The following SNTB1 variants were observed in gnomAD, a reference collection of about 807,000 sequenced individuals.
SNTB1 encodes syntrophin beta 1.
In SNTB1, 36 loss-of-function variants were observed where a neutral mutation model predicts 48.9. That is an observed-to-expected ratio of 0.74 (90% CI 0.56 to 0.97). The LOEUF (loss-of-function observed/expected upper bound fraction) is 0.97. Among genes scored for constraint, SNTB1 ranks in the 50% least tolerant of loss-of-function variants. The probability of loss-of-function intolerance (pLI) is 0.00; values close to 1 mark genes in which losing one functional copy is unlikely to be tolerated. For missense variants in SNTB1, 786 were observed against 703.4 expected (o/e 1.12, Z -1.33); for synonymous variants, 299 against 294.6 (o/e 1.01, Z -0.15).
intron 3 of SNTB1, among the ~76,000 whole-genome samples, chr8:120,581,734 T>G (rs1816053841): frequency 6.6e-6 from 1 of 152,338 alleles, no homozygotes; most frequent in Non-Finnish European, 1.5e-5. Flanking sequence ...AAAGAGCGTG[T>G]CATTTTAATT....
At position 120,548,932 on chromosome 8, in the gene SNTB1, C is replaced by A. The variant is rs773697841; in HGVS notation, c.1163G>T (p.Gly388Val). The A allele has an allele frequency of 1.3e-6, 2 of 1,596,308 alleles. No homozygotes were observed. The highest frequency in any genetic ancestry group is 1.7e-6 in the Non-Finnish European group (2 of 1,171,798). Residue 388 changes from glycine (G) to valine (V), a missense_variant, in exon 5 of 7, where the codon GGA becomes GTA. Gly to Val is a moderately radical substitution (Grantham distance 109). Coordinates refer to ENST00000517992, the MANE Select transcript of SNTB1 (RefSeq NM_021021.4). ...CAGATCCACACCAGCCTGGGGTGATCCCTTTCCTGGACCTGAATGGACCAG... is the reference window on the plus strand; with the variant it reads ...CAGATCCACACCAGCCTGGGGTGATACCTTTCCTGGACCTGAATGGACCAG... ...TRLVHSGPGK[G>V]SPQAGVDLSF...
rs1586982571 is a variant in SNTB1, at chr8:120,537,148, A to C, written c.*1729T>G. 1 of 151,378 alleles carries C rather than the reference A, an allele frequency of 6.6e-6. No homozygotes were observed. The highest frequency in any genetic ancestry group is 6.6e-5 in the Admixed American group (1 of 15,198). The allele number at this position is 151,378 out of a possible 1,614,324, so 9.4% of individuals were successfully genotyped here. A position where few individuals can be genotyped will look rare whatever the true frequency, so the allele number is the denominator to read the frequency against. On this transcript the variant is annotated 3_prime_UTR_variant, in exon 7 of 7. Transcript: ENST00000517992. ...TGTGTTTTCTAAAGCATTAAAAAAA[A>C]AAAACAAATAACAACAACAAAAAAA...
chr8:120,648,936 C>A (rs1296003027), intron 2 of SNTB1, among the ~76,000 whole-genome samples: 39 of 151,468 alleles, frequency 2.6e-4, no homozygotes, highest in Non-Finnish European at 8.8e-5. Flanking sequence ...ATCGCTGATA[C>A]CCTTTCTTCC....
rs963317290 is a variant in SNTB1, at chr8:120,538,619, C to T, written c.*258G>A. ...TATTTCAAAGCTATGCTGTGTATTT[C>T]CCGTCACCTCACCTCTTTAACCTTG... On this transcript the variant is annotated 3_prime_UTR_variant, in exon 7 of 7. Transcript: ENST00000517992. The T allele has an allele frequency of 1.8e-6, 1 of 549,102 alleles. No individual in the cohort carries two copies. Among genetic ancestry groups the T allele is most frequent in the South Asian group, 1.5e-5 (1 of 65,362 alleles). 34.0% of individuals were successfully genotyped at this position (549,102 alleles called of 1,614,324 possible). A position where few individuals can be genotyped will look rare whatever the true frequency, so the allele number is the denominator to read the frequency against.
intron 1 of SNTB1, among the ~76,000 whole-genome samples, chr8:120,784,773 A>C (rs1819894469): frequency 6.6e-6 from 1 of 152,232 alleles, no homozygotes; most frequent in Non-Finnish European, 1.5e-5. Context: ...ACAGTTTTCC[A>C]AGAAGCAACA....
chr8:120,677,269 G>A (rs1009563500), intron 2 of SNTB1, among the ~76,000 whole-genome samples: 3 of 152,094 alleles, frequency 2.0e-5, no homozygotes, highest in Non-Finnish European at 2.9e-5. Context: ...AGAGAACTGT[G>A]CCATATAAAT....
chr8:120,587,365 C>G (rs1485359955), intron 3 of SNTB1, among the ~76,000 whole-genome samples: 1 of 152,158 alleles, frequency 6.6e-6, no homozygotes, highest in Non-Finnish European at 1.5e-5. Context: ...ACAGTTCTTA[C>G]AAATTATAAA....
intron 3 of SNTB1, among the ~76,000 whole-genome samples, chr8:120,581,104 A>G (rs919180379): frequency 3.3e-5 from 5 of 151,256 alleles, no homozygotes; most frequent in Non-Finnish European, 7.4e-5. Context: ...AAAAAAAAAA[A>G]AAAGAGAAAG....
At chr8:120,744,863 C>A (rs1391507675) in intron 1 of SNTB1, among the ~76,000 whole-genome samples, 1 of 152,036 alleles carries the variant, frequency 6.6e-6, no homozygotes, top group Non-Finnish European at 1.5e-5. Context: ...TAATATAATA[C>A]CATAATTTGG....
intron 3 of SNTB1, among the ~76,000 whole-genome samples, chr8:120,617,925 A>G (rs1816740564): frequency 6.6e-6 from 1 of 152,230 alleles, no homozygotes; most frequent in African/African-American, 2.4e-5. Flanking sequence ...GCAGCAAACG[A>G]GTGAAGGTAC....
chr8:120,688,442 C>T (rs531141890), intron 2 of SNTB1, among the ~76,000 whole-genome samples: 149 of 151,910 alleles, frequency 9.8e-4, no homozygotes, highest in Non-Finnish European at 1.8e-3. Flanking sequence ...CATTTATGAA[C>T]GAAAATAGTT....
At chr8:120,572,654 C>T (rs1439051479) in intron 4 of SNTB1, among the ~76,000 whole-genome samples, 3 of 152,026 alleles carry the variant, frequency 2.0e-5, no homozygotes, top group South Asian at 2.1e-4. Context: ...TATGGGAGGC[C>T]GAGGGAGGAA....
chr8:120,579,871 CT>C (rs1163992694), intron 3 of SNTB1, among the ~76,000 whole-genome samples: 2 of 152,154 alleles, frequency 1.3e-5, no homozygotes, highest in Non-Finnish European at 2.9e-5. Flanking sequence ...ATTTACAAAG[CT>C]GTCTTACAGA....
chr8:120,791,012 C>T (rs957626185), intron 1 of SNTB1, among the ~76,000 whole-genome samples: 5 of 151,512 alleles, frequency 3.3e-5, no homozygotes, highest in African/African-American at 4.8e-5. Flanking sequence ...GTATATAGTA[C>T]TATATACTAT....
intron 1 of SNTB1, among the ~76,000 whole-genome samples, chr8:120,805,237 C>T (rs1343005886): frequency 6.6e-6 from 1 of 152,090 alleles, no homozygotes; most frequent in African/African-American, 2.4e-5. Flanking sequence ...ACCCTCTCCT[C>T]CAAACACACC....
intron 3 of SNTB1, among the ~76,000 whole-genome samples, chr8:120,597,895 T>G (rs548101099): frequency 6.6e-6 from 1 of 152,374 alleles, no homozygotes; most frequent in Admixed American, 6.5e-5. Flanking sequence ...GCAGTTTTGG[T>G]GACTTACATA....
At chr8:120,637,902 G>T in intron 2 of SNTB1, 1 of 226,138 alleles carries the variant, frequency 4.4e-6, no homozygotes, top group Non-Finnish European at 9.7e-6. Flanking sequence ...AATCCTGTAA[G>T]GTAATGTAAT....
chr8:120,735,221 A>C (rs947207786), intron 1 of SNTB1, among the ~76,000 whole-genome samples: 8 of 152,152 alleles, frequency 5.3e-5, no homozygotes, highest in African/African-American at 1.7e-4. Context: ...TTTTTGCAGG[A>C]GAATAGGAGA....
At chr8:120,682,544 T>C (rs949153134) in intron 2 of SNTB1, among the ~76,000 whole-genome samples, 2 of 152,240 alleles carry the variant, frequency 1.3e-5, no homozygotes, top group Non-Finnish European at 2.9e-5. Context: ...GAAATGTCAG[T>C]ATGTATTCTA....
Sources: gnomAD v4.1 joint callset for allele counts (sites outside exome capture counted in the v4.1 genomes callset) on GRCh38, gnomAD v4.1.1 for gene constraint, MANE v1.5 for transcripts, NCBI Gene and HGNC (gene_info 2026-07-23, HGNC 2026-07-21) for gene names.